The following ARHGAP6 variants were observed in gnomAD, a reference collection of about 807,000 sequenced individuals.
ARHGAP6 encodes the protein Rho GTPase activating protein 6.
ARHGAP6 carries 16 observed loss-of-function variants against 55.7 expected under a neutral mutation model. That is an observed-to-expected ratio of 0.29 (90% CI 0.19 to 0.44). The LOEUF is 0.44. Among genes scored for constraint, ARHGAP6 ranks in the 20% least tolerant of loss-of-function variants. The pLI, the probability that ARHGAP6 is intolerant of heterozygous loss-of-function variation, is 1.00. For synonymous variants in ARHGAP6, 382 were observed against 360.9 expected (o/e 1.06, Z -0.66); for missense variants, 698 against 808.9 (o/e 0.86, Z 1.66).
intron 1 of ARHGAP6, among the ~76,000 whole-genome samples, chrX:11,615,649 T>C (rs2052154611): frequency 8.9e-6 from 1 of 112,150 alleles, no homozygotes; most frequent in Admixed American, 9.4e-5. Context: ...AGTCCAATCA[T>C]TATAAATAGG....
At chrX:11,608,485 A>T (rs2052061742) in intron 1 of ARHGAP6, among the ~76,000 whole-genome samples, 1 of 110,959 alleles carries the variant, frequency 9.0e-6, no homozygotes, top group African/African-American at 3.3e-5. Flanking sequence ...ACCATGAAGC[A>T]TGAGGCTTTT....
At chrX:11,182,029 G>A in intron 6 of ARHGAP6, 34 bp downstream of exon 6, 6 of 1,142,246 alleles carry the variant, frequency 5.3e-6, no homozygotes, top group Non-Finnish European at 6.0e-6. Flanking sequence ...TGAAAGTCAT[G>A]TGAAACAAAA....
intron 1 of ARHGAP6, among the ~76,000 whole-genome samples, chrX:11,258,733 T>G (rs1368123956): frequency 1.8e-5 from 2 of 112,382 alleles, no homozygotes; most frequent in African/African-American, 6.5e-5. Context: ...ATTTTTAAAC[T>G]TCTTTGTTAT....
At position 11,596,639 on chromosome X, in the gene ARHGAP6, T is replaced by C. The variant is rs773307238; in HGVS notation, c.588+67602A>G. On this transcript the variant is annotated intron_variant, in intron 1 of 12. Coordinates refer to ENST00000337414, the MANE Select transcript of ARHGAP6 (RefSeq NM_013427.3). ...CTTTTATAATAATTTTTGGTCCAAC[T>C]TGCCCCAAATTCTCCAAAATTAGCA... is the stretch of plus-strand genomic sequence containing the variant. 2.4e-3 allele frequency among the ~76,000 whole-genome samples: 265 copies of C among 111,673 alleles called. 1 individual carries two copies. Among genetic ancestry groups the C allele is most frequent in the African/African-American group, 8.2e-3 (252 of 30,726 alleles).
chrX:11,629,502 A>G (rs1033799971), intron 1 of ARHGAP6, among the ~76,000 whole-genome samples: 3 of 111,213 alleles, frequency 2.7e-5, no homozygotes, highest in Admixed American at 9.6e-5. Flanking sequence ...CAAGACAAAC[A>G]TGATCCCTGA....
intron 12 of ARHGAP6, among the ~76,000 whole-genome samples, chrX:11,141,877 C>G (rs979354335): frequency 8.9e-6 from 1 of 112,171 alleles, no homozygotes; most frequent in Non-Finnish European, 1.9e-5. Flanking sequence ...ACAACAATAA[C>G]AAAAAATTTC....
intron 1 of ARHGAP6, among the ~76,000 whole-genome samples, chrX:11,311,383 C>G (rs1279155632): frequency 8.9e-6 from 1 of 111,776 alleles, no homozygotes; most frequent in East Asian, 2.8e-4. Flanking sequence ...TGGACCAATG[C>G]CCTTGAACAT....
At chrX:11,500,318 C>A (rs2050663581) in intron 1 of ARHGAP6, among the ~76,000 whole-genome samples, 1 of 110,867 alleles carries the variant, frequency 9.0e-6, no homozygotes, top group Non-Finnish European at 1.9e-5. Context: ...TACCCTTTTC[C>A]AAAGTACATT....
At chrX:11,323,289 C>T (rs2048456186) in intron 1 of ARHGAP6, among the ~76,000 whole-genome samples, 1 of 112,118 alleles carries the variant, frequency 8.9e-6, no homozygotes, top group Non-Finnish European at 1.9e-5. Flanking sequence ...AAGAACTATA[C>T]AAAAATTTCA....
intron 1 of ARHGAP6, among the ~76,000 whole-genome samples, chrX:11,378,814 T>G (rs1449395653): frequency 8.9e-6 from 1 of 112,625 alleles, no homozygotes; most frequent in East Asian, 2.8e-4. Flanking sequence ...TCCTCTATAA[T>G]TTGAGTCAGC....
intron 10 of ARHGAP6, among the ~76,000 whole-genome samples, chrX:11,155,578 G>C (rs908601476): frequency 8.9e-6 from 1 of 111,995 alleles, no homozygotes; most frequent in Non-Finnish European, 1.9e-5. Flanking sequence ...GGGGTTACAG[G>C]TACGGGATTA....
chrX:11,290,334 G>T, intron 1 of ARHGAP6: 1 of 329,645 alleles, frequency 3.0e-6, no homozygotes, highest in Non-Finnish European at 5.9e-6. Flanking sequence ...TTGTATAAGA[G>T]CTTTTTCTAG....
At chrX:11,585,462 A>G (rs970116630) in intron 1 of ARHGAP6, among the ~76,000 whole-genome samples, 10 of 112,236 alleles carry the variant, frequency 8.9e-5, no homozygotes, top group Non-Finnish European at 1.5e-4. Flanking sequence ...CTTTTTAGTA[A>G]TAGCCATTCT....
At chrX:11,189,275 C>A (rs2046424226) in intron 3 of ARHGAP6, among the ~76,000 whole-genome samples, 1 of 111,917 alleles carries the variant, frequency 8.9e-6, no homozygotes, top group South Asian at 3.7e-4. Flanking sequence ...ATGCCTACTA[C>A]ATGCCACAAC....
intron 1 of ARHGAP6, among the ~76,000 whole-genome samples, chrX:11,348,327 G>A (rs761524770): frequency 1.8e-5 from 2 of 112,325 alleles, no homozygotes; most frequent in Non-Finnish European, 3.8e-5. Context: ...TATGACATAC[G>A]TGAAGTACAG....
At position 11,514,161 on chromosome X, in the gene ARHGAP6, CAAAAA is replaced by C. The variant is rs1156613318; in HGVS notation, c.588+150075_588+150079del. 9.4e-3 allele frequency among the ~76,000 whole-genome samples: 336 copies of C among 35,767 alleles called. 3 individuals carry two copies. The highest frequency in any genetic ancestry group is 0.035 in the African/African-American group (315 of 8,923). 31.1% of individuals were successfully genotyped at this position (35,767 alleles called of 115,157 possible). A position where few individuals can be genotyped will look rare whatever the true frequency, so the allele number is the denominator to read the frequency against. On this transcript the variant is annotated intron_variant, in intron 1 of 12. Coordinates refer to ENST00000337414, the MANE Select transcript of ARHGAP6 (RefSeq NM_013427.3). ...TGGGTGACGAAGTGAAACCCTGTCTCAAAAAAAAAAAAAAAAAAAAAAAAAAAGTG... is the reference window on the plus strand; with the variant it reads ...TGGGTGACGAAGTGAAACCCTGTCTCAAAAAAAAAAAAAAAAAAAAAAGTG...
chrX:11,445,918 C>T lies in ARHGAP6; in HGVS notation c.589-191211G>A, dbSNP rs150933179. Among the ~76,000 whole-genome samples the T allele has an allele frequency of 5.2e-4, 58 of 111,217 alleles. 1 individual carries two copies. The East Asian group carries it at 0.014, about 28-fold the overall frequency. The stretch of plus-strand genomic sequence containing the variant: ...CCATGCACATTCCAAAGCACATCAG[C>T]ATGAACCTTATGCCCTGTGGTTGGT... On this transcript the variant is annotated intron_variant, in intron 1 of 12. Transcript: ENST00000337414.
intron 8 of ARHGAP6, 65 bp from the exon 9 acceptor site, chrX:11,169,749 C>A: frequency 1.1e-6 from 1 of 877,988 alleles, no homozygotes; most frequent in Non-Finnish European, 1.5e-6. Flanking sequence ...GGTGATTCAA[C>A]AATCAATGAA....
intron 10 of ARHGAP6, 117 bp from the exon 11 acceptor site, chrX:11,144,365 A>T: frequency 1.0e-6 from 1 of 984,142 alleles, no homozygotes; most frequent in Non-Finnish European, 1.4e-6. Flanking sequence ...GGGCTGAAAC[A>T]AAAAGACCAT....
Sources: allele counts gnomAD v4.1 joint callset (sites outside exome capture counted in the v4.1 genomes callset), GRCh38; gene constraint gnomAD v4.1.1; transcripts MANE v1.5; gene names NCBI Gene and HGNC (gene_info 2026-07-23, HGNC 2026-07-21).